RSRP1: variants seen among roughly 807,000 people sequenced by gnomAD.
RSRP1 encodes the protein arginine and serine rich protein 1.
In RSRP1, 37 loss-of-function variants were observed where a neutral mutation model predicts 33.0. That is an observed-to-expected ratio of 1.12 (90% CI 0.86 to 1.48). The LOEUF (loss-of-function observed/expected upper bound fraction) is 1.48, where lower values mean the gene tolerates loss of function less well. RSRP1 is among the 40% of genes most tolerant of loss of function. The pLI, the probability that RSRP1 is intolerant of heterozygous loss-of-function variation, is 0.00. For synonymous variants in RSRP1, 167 were observed against 158.7 expected (o/e 1.05, Z -0.40); for missense variants, 402 against 385.3 (o/e 1.04, Z -0.36).
chr1:25,329,234 C>CTTTTTTTTTTTTTTT (rs1186389627), intron 1 of RSRP1: 1 of 322,292 alleles, frequency 3.1e-6, no homozygotes, highest in African/African-American at 2.7e-5. Flanking sequence ...ATTATTATTC[C>CTTTTTTTTTTTTTTT]TTGTTTTTTT....
chr1:25,256,430 C>T (rs114823553), intron 1 of RSRP1, among the ~76,000 whole-genome samples: 6,488 of 152,214 alleles, frequency 0.043, 471 homozygotes, highest in African/African-American at 0.15. Flanking sequence ...CGATTACAGG[C>T]ATGAGCCACC....
intron 1 of RSRP1, among the ~76,000 whole-genome samples, chr1:25,320,746 A>ATACT (rs935896186): frequency 7.6e-6 from 1 of 132,248 alleles, no homozygotes; most frequent in African/African-American, 2.6e-5. Context: ...GGCAGAGAGT[A>ATACT]GACAGGGAAT....
rs556700258 is a variant in RSRP1, at chr1:25,315,738, T to C, written c.-67+22240A>G. ...GTCTCCATCTCCTGACCTCATGATC[T>C]GCCCGCCTCGGCCTCCCAAAGTGTG... On this transcript the variant is annotated intron_variant, in intron 1 of 1. Transcript: ENST00000561867. Among the ~76,000 whole-genome samples the C allele has an allele frequency of 9.5e-4, 124 of 130,216 alleles. 27 individuals are homozygous for C. Among genetic ancestry groups the C allele is most frequent in the Admixed American group, 2.0e-3 (27 of 13,370 alleles). The allele number at this position is 130,216 out of a possible 152,430, so 85.4% of individuals were successfully genotyped here.
At chr1:25,283,552 G>T (rs114857221) in intron 1 of RSRP1, among the ~76,000 whole-genome samples, 2,101 of 130,706 alleles carry the variant, frequency 0.016, 287 homozygotes, top group African/African-American at 0.053. Flanking sequence ...AAAAATCTTA[G>T]CTCTACCCAC....
In RSRP1 at chr1:25,269,387, A is replaced by G. The variant is rs1372397473; in HGVS notation, c.-66-22358T>C. On this transcript the variant is annotated intron_variant, in intron 1 of 1. Coordinates refer to the RSRP1 transcript ENST00000561867. ...AAGTTGAAAAGCGTTAAGTCAAACC[A>G]TCGTACGTCGGAGGCCATCTGTATC... Among the ~76,000 whole-genome samples the G allele has an allele frequency of 1.5e-5, 2 of 132,960 alleles. 1 individual carries two copies. Among genetic ancestry groups the G allele is most frequent in the Non-Finnish European group, 3.6e-5 (2 of 56,062 alleles). 87.2% of individuals were successfully genotyped at this position (132,960 alleles called of 152,430 possible). A position where few individuals can be genotyped will look rare whatever the true frequency, so the allele number is the denominator to read the frequency against.
In RSRP1 at chr1:25,246,824, G is replaced by T; in HGVS notation, c.140C>A (p.Ser47Tyr). 6.2e-7 allele frequency: 1 copy of T among 1,613,448 alleles called. No individual in the cohort carries two copies. Among genetic ancestry groups the T allele is most frequent in the Non-Finnish European group, 8.5e-7 (1 of 1,179,806 alleles). Residue 47 changes from serine (S) to tyrosine (Y), a missense_variant, in exon 2 of 5, where the codon TCC becomes TAC. Physicochemically the swap from Ser to Tyr is moderately radical, Grantham distance 144. Transcript: ENST00000243189. The stretch of plus-strand genomic sequence containing the variant: ...GGACGAAAACCGGCTCGAGACGCGG[G>T]AATGGGACCGAGAGCTTCTGGAAAA... ...RSFSRSSRSH[S>Y]RVSSRFSSRS...
chr1:25,278,531 T>A (rs1641211264), intron 1 of RSRP1, among the ~76,000 whole-genome samples: 1 of 131,672 alleles, frequency 7.6e-6, no homozygotes, highest in African/African-American at 2.6e-5. Context: ...GCATCTGCAG[T>A]TTGGGGTGGG....
intron 1 of RSRP1, among the ~76,000 whole-genome samples, chr1:25,254,929 C>T (rs937991646): frequency 1.3e-5 from 2 of 152,194 alleles, no homozygotes; most frequent in African/African-American, 2.4e-5. Context: ...GAGACAGTCA[C>T]GTCCGTGCCT....
chr1:25,247,085 C>T, intron 1 of RSRP1, 56 bp from the exon 2 acceptor site: 1 of 1,105,696 alleles, frequency 9.0e-7, no homozygotes, highest in South Asian at 2.1e-5. Flanking sequence ...CGCCTGGCCA[C>T]CCGGAAGCCA....
Position 25,302,182 on chromosome 1 carries a change from C to A in RSRP1, c.-67+35796G>T, listed in dbSNP as rs1643437401. On this transcript the variant is annotated intron_variant, in intron 1 of 1. Transcript: ENST00000561867. ...GTAAAGTGGGAATTAAGAGATGGTG[C>A]ATGTAAAGTGCTTAACGGGGAGTAA... Among the ~76,000 whole-genome samples the A allele has an allele frequency of 1.5e-5, 2 of 131,314 alleles. 1 individual carries two copies. The highest frequency in any genetic ancestry group is 5.3e-5 in the African/African-American group (2 of 37,980). 86.1% of individuals were successfully genotyped at this position (131,314 alleles called of 152,430 possible).
At chr1:25,246,396 A>G (rs1039588895) in intron 2 of RSRP1, 48 bp downstream of exon 2, 10 of 1,590,066 alleles carry the variant, frequency 6.3e-6, no homozygotes, top group Non-Finnish European at 7.7e-6. Flanking sequence ...CTACTCATAT[A>G]CTGCCACCAT....
chr1:25,247,079 T>A, intron 1 of RSRP1, 50 bp from the exon 2 acceptor site: 3 of 1,154,702 alleles, frequency 2.6e-6, no homozygotes, highest in Non-Finnish European at 3.5e-6. Context: ...AGCCGGCGCC[T>A]GGCCACCCGG....
chr1:25,261,459 C>CAGTG (rs1432962052), intron 1 of RSRP1, among the ~76,000 whole-genome samples: 2 of 149,306 alleles, frequency 1.3e-5, no homozygotes, highest in Non-Finnish European at 3.0e-5. Context: ...GGCTGGAGTG[C>CAGTG]AGTGGTGCAA....
At chr1:25,336,907 A>C (rs926274826) in intron 1 of RSRP1, 2 of 151,958 alleles carry the variant, frequency 1.3e-5, no homozygotes, top group African/African-American at 4.9e-5. Context: ...ACAAACAAAA[A>C]AACCCAAAGG....
chr1:25,249,628 C>T (rs951685012), upstream of RSRP1, among the ~76,000 whole-genome samples: 1 of 152,218 alleles, frequency 6.6e-6, no homozygotes, highest in Non-Finnish European at 1.5e-5. Flanking sequence ...AGGCGTGAGC[C>T]ACTGTGCCCA....
In RSRP1 at chr1:25,279,537, G is replaced by A. The variant is rs1641296528; in HGVS notation, c.-66-32508C>T. 1.6e-5 allele frequency among the ~76,000 whole-genome samples: 2 copies of A among 127,468 alleles called. 1 individual carries two copies. Among genetic ancestry groups the A allele is most frequent in the Admixed American group, 1.5e-4 (2 of 13,190 alleles). 83.6% of individuals were successfully genotyped at this position (127,468 alleles called of 152,430 possible). On this transcript the variant is annotated intron_variant, in intron 1 of 1. Transcript: ENST00000561867. ...CTACCATTTACTAGCTCTGTGACTTGGACTAGTTATAGCACCTCTCTGTGC... is the reference window on the plus strand; with the variant it reads ...CTACCATTTACTAGCTCTGTGACTTAGACTAGTTATAGCACCTCTCTGTGC...
In RSRP1 at chr1:25,333,664, C is replaced by G. The variant is rs616367; in HGVS notation, c.-67+4314G>C. The stretch of plus-strand genomic sequence containing the variant: ...ATTGTATTAGTCTGTTCACAAACCC[C>G]AGACTAGGCAATTTACAAAAGAAAG... On this transcript the variant is annotated intron_variant, in intron 1 of 1. Transcript: ENST00000561867. Among the ~76,000 whole-genome samples, 48 of 131,132 alleles carry G rather than the reference C, an allele frequency of 3.7e-4. 4 individuals carry two copies. Among genetic ancestry groups the G allele is most frequent in the East Asian group, 2.0e-3 (10 of 5,128 alleles). The allele number at this position is 131,132 out of a possible 152,430, so 86.0% of individuals were successfully genotyped here. A position where few individuals can be genotyped will look rare whatever the true frequency, so the allele number is the denominator to read the frequency against.
At chr1:25,260,274 A>G (rs1001473795) in intron 1 of RSRP1, among the ~76,000 whole-genome samples, 1 of 152,244 alleles carries the variant, frequency 6.6e-6, no homozygotes, top group African/African-American at 2.4e-5. Flanking sequence ...GAAAAATAAA[A>G]ATGAACAAGC....
rs1399502152 is a variant in RSRP1, at chr1:25,246,946, G to C, written c.18C>G (p.Asn6Lys). MSNYVNDMWPGSPQEK... is the reference protein window; with the variant it reads MSNYVKDMWPGSPQEK... ...CCTGCGGCGAGCCCGGCCACATGTC[G>C]TTCACGTAGTTGGACATCTTCACCT... Residue 6 changes from asparagine (N) to lysine (K), a missense_variant, in exon 2 of 5, where the codon AAC (asparagine) becomes AAG (lysine). Physicochemically the swap from Asn to Lys is moderately conservative, Grantham distance 94. Coordinates refer to ENST00000243189, the MANE Select transcript of RSRP1 (RefSeq NM_020317.5). The C allele has an allele frequency of 3.2e-6, 5 of 1,582,088 alleles. No homozygotes were observed. Among genetic ancestry groups the C allele is most frequent in the Non-Finnish European group, 4.3e-6 (5 of 1,160,678 alleles).
Sources: gnomAD v4.1 joint callset for allele counts (sites outside exome capture counted in the v4.1 genomes callset) on GRCh38, gnomAD v4.1.1 for gene constraint, MANE v1.5 for transcripts, NCBI Gene and HGNC (gene_info 2026-07-23, HGNC 2026-07-21) for gene names.